Variants in DHX57 observed in about 807,000 individuals in gnomAD.
The protein encoded by DHX57 is DExH-box helicase 57, also known as putative ATP-dependent RNA helicase DHX57.
Under a neutral mutation model 156.2 loss-of-function variants are expected in DHX57, and 105 were observed. The ratio of observed to expected loss-of-function variants is 0.67; its 90% CI spans 0.57 to 0.79. DHX57 has a LOEUF of 0.79. Ranked by LOEUF, DHX57 falls within the 30% of genes least tolerant of loss-of-function variation. The pLI is 0.00. For missense variants in DHX57, 1,847 were observed against 1,661.9 expected, an observed-to-expected ratio of 1.11 and a Z score of -1.94; for synonymous variants, 704 against 595.6, an observed-to-expected ratio of 1.18 and a Z score of -2.65.
chr2:38,824,192 T>C (rs1021350189), intron 16 of DHX57, among the ~76,000 whole-genome samples: 1 of 152,132 alleles, frequency 6.6e-6, no homozygotes, highest in Non-Finnish European at 1.5e-5. Flanking sequence ...AAGAAAGAAA[T>C]TCTGCAATAT....
intron 11 of DHX57, among the ~76,000 whole-genome samples, chr2:38,846,119 G>C (rs1244979798): frequency 1.3e-5 from 2 of 152,038 alleles, no homozygotes; most frequent in Non-Finnish European, 2.9e-5. Context: ...GCTCGCCTCG[G>C]CCTCCCAAAG....
chr2:38,859,590 T>G (rs1673079176), intron 5 of DHX57, among the ~76,000 whole-genome samples: 1 of 152,184 alleles, frequency 6.6e-6, no homozygotes, highest in Non-Finnish European at 1.5e-5. Context: ...GCATGACACA[T>G]AATTTTCATT....
intron 22 of DHX57, 64 bp from the exon 23 acceptor site, chr2:38,802,979 C>A (rs963094608): frequency 3.3e-5 from 52 of 1,578,826 alleles, no homozygotes; most frequent in Non-Finnish European, 4.4e-5. Context: ...AACAACCCCC[C>A]AGTCCCACGG....
At position 38,843,055 on chromosome 2, in the gene DHX57, G is replaced by A. The variant is rs1324468585; in HGVS notation, c.2375C>T (p.Ala792Val). 2 of 1,614,068 alleles carry A rather than the reference G, an allele frequency of 1.2e-6. No individual in the cohort carries two copies. The highest frequency in any genetic ancestry group is 1.7e-5 in the Admixed American group (1 of 59,996). ...AAAATCTAACTGTTGATCTGGCACTGCATCTTTGACAGAATCCTGATCCTG... is the reference window on the plus strand; with the variant it reads ...AAAATCTAACTGTTGATCTGGCACTACATCTTTGACAGAATCCTGATCCTG... ...HLQDQDSVKD[A>V]VPDQQLDFKQ... Residue 792 changes from alanine to valine, a missense_variant, in exon 12 of 24, where the codon GCA becomes GTA. Coordinates refer to ENST00000457308, the MANE Select transcript of DHX57 (RefSeq NM_198963.3).
At chr2:38,815,715 A>C in intron 19 of DHX57, 60 bp from the exon 20 acceptor site, 1 of 1,603,704 alleles carries the variant, frequency 6.2e-7, no homozygotes, top group African/African-American at 1.3e-5. Context: ...GTTAAGTCTT[A>C]CAAAAATGAG....
intron 22 of DHX57, among the ~76,000 whole-genome samples, chr2:38,804,942 T>C (rs1669870673): frequency 6.6e-6 from 1 of 152,220 alleles, no homozygotes; most frequent in South Asian, 2.1e-4. Flanking sequence ...TTCTGTTTAC[T>C]TATGTATTGC....
At chr2:38,807,678 G>A (rs564610157) in intron 21 of DHX57, among the ~76,000 whole-genome samples, 13 of 139,220 alleles carry the variant, frequency 9.3e-5, no homozygotes, top group African/African-American at 3.3e-4. Flanking sequence ...ACGGAGTTTC[G>A]CTCTTGTTGC....
intron 14 of DHX57, among the ~76,000 whole-genome samples, chr2:38,826,950 G>C (rs1671118074): frequency 6.6e-6 from 1 of 152,000 alleles, no homozygotes; most frequent in Non-Finnish European, 1.5e-5. Context: ...AGCCAACATG[G>C]TGAAACCTCG....
rs1434442757 is a variant in DHX57 at position 38,862,161 on chromosome 2, C to A, written c.556G>T (p.Val186Leu). Residue 186 changes from valine (V) to leucine (L), a missense_variant, in exon 4 of 24, where the codon GTG becomes TTG. Coordinates refer to ENST00000457308, the MANE Select transcript of DHX57 (RefSeq NM_198963.3). ...AGCAATCACCTGGAAAGTTTTTGCA[C>A]TGCAAATGGGGAGACTGTAAATTCT... ...VPEFTVSPFA[V>L]QKLSRYGFNT... 6.3e-7 allele frequency: 1 copy of A among 1,595,342 alleles called. No homozygotes were observed. Among genetic ancestry groups the A allele is most frequent in the Middle Eastern group, 1.7e-4 (1 of 5,972 alleles).
chr2:38,803,908 A>G (rs991766130), intron 22 of DHX57, among the ~76,000 whole-genome samples: 2 of 151,930 alleles, frequency 1.3e-5, no homozygotes, highest in Non-Finnish European at 1.5e-5. Flanking sequence ...CAGCCTCCCA[A>G]GTAGCTGGGA....
At chr2:38,820,727 G>C (rs769856203) in intron 17 of DHX57, among the ~76,000 whole-genome samples, 3 of 152,074 alleles carry the variant, frequency 2.0e-5, no homozygotes, top group Non-Finnish European at 4.4e-5. Flanking sequence ...AGATCTGTGA[G>C]TTTATAATTC....
At chr2:38,870,268 GGAAA>G (rs1665291823) in intron 1 of DHX57, among the ~76,000 whole-genome samples, 1 of 151,876 alleles carries the variant, frequency 6.6e-6, no homozygotes, top group Non-Finnish European at 1.5e-5. Context: ...CAGAAGGAAA[GGAAA>G]GAAAGAAAAG....
At chr2:38,855,713 G>T in intron 7 of DHX57, among the ~76,000 whole-genome samples, 1 of 152,104 alleles carries the variant, frequency 6.6e-6, no homozygotes, top group South Asian at 2.1e-4. Flanking sequence ...GTATACTCTT[G>T]AATAAATAAA....
intron 13 of DHX57, among the ~76,000 whole-genome samples, chr2:38,830,668 A>T (rs1483931697): frequency 6.6e-6 from 1 of 151,898 alleles, no homozygotes; most frequent in African/African-American, 2.4e-5. Flanking sequence ...TACCCCTACT[A>T]GTGACTCAGT....
intron 13 of DHX57, among the ~76,000 whole-genome samples, chr2:38,828,753 T>A (rs1275279346): frequency 1.3e-5 from 2 of 151,748 alleles, no homozygotes; most frequent in African/African-American, 2.4e-5. Context: ...ATTTTCACTA[T>A]CAGTTTTATT....
intron 1 of DHX57, among the ~76,000 whole-genome samples, chr2:38,872,524 T>C (rs777467645): frequency 2.0e-5 from 3 of 151,986 alleles, no homozygotes; most frequent in African/African-American, 4.8e-5. Context: ...AAATGAAAAG[T>C]AAAAGGATGG....
At chr2:38,854,324 T>A in intron 8 of DHX57, 146 bp from the exon 9 acceptor site, 1 of 714,110 alleles carries the variant, frequency 1.4e-6, no homozygotes, top group Non-Finnish European at 2.1e-6. Context: ...TAAACATAGT[T>A]TCTTGCCAGG....
rs754524059 is a variant in DHX57, at chr2:38,802,784, C to T, written c.3948G>A (p.Gln1316=). The T allele has an allele frequency of 1.2e-6, 2 of 1,614,072 alleles. No individual in the cohort carries two copies. The highest frequency in any genetic ancestry group is 2.7e-5 in the African/African-American group (2 of 74,930). ...AGACAACGAACTCTCCTCTTTGAAG[C>T]TGCACATTCACTTGGCCTCCTCCAA... ...VLFGGGQVNV[Q]LQRGEFVVSL... The change falls in exon 23 of 24, where the codon CAG becomes CAA. Residue 1316 remains glutamine (Q), a synonymous_variant. Coordinates refer to ENST00000457308, the MANE Select transcript of DHX57 (RefSeq NM_198963.3).
At chr2:38,822,861 G>T in intron 17 of DHX57, 132 bp downstream of exon 17, 3 of 878,686 alleles carry the variant, frequency 3.4e-6, no homozygotes, top group Non-Finnish European at 5.1e-6. Context: ...ATGCAGATGT[G>T]CCCTAAAAAT....
Sources: gnomAD v4.1 joint callset for allele counts (sites outside exome capture counted in the v4.1 genomes callset) on GRCh38, gnomAD v4.1.1 for gene constraint, MANE v1.5 for transcripts, NCBI Gene and HGNC (gene_info 2026-07-23, HGNC 2026-07-21) for gene names.